The following SIK3 variants were observed in gnomAD, a reference collection of about 807,000 sequenced individuals.
The protein encoded by SIK3 is serine/threonine-protein kinase SIK3.
SIK3 carries 28 observed loss-of-function variants against 144.2 expected under a neutral mutation model. The ratio of observed to expected loss-of-function variants is 0.19; its 90% CI spans 0.14 to 0.27. The LOEUF is 0.27. Ranked by LOEUF, SIK3 falls within the 10% of genes least tolerant of loss-of-function variation. The pLI is 1.00. For missense variants in SIK3, 1,319 were observed against 1,776.0 expected, an observed-to-expected ratio of 0.74 and a Z score of 4.62; for synonymous variants, 686 against 676.3, an observed-to-expected ratio of 1.01 and a Z score of -0.22.
chr11:116,865,640 T>C (rs1012249045), intron 15 of SIK3, among the ~76,000 whole-genome samples: 13 of 152,174 alleles, frequency 8.5e-5, no homozygotes, highest in Admixed American at 1.3e-4. Context: ...AACCTTAAAT[T>C]ACACATTTCC....
intron 1 of SIK3, among the ~76,000 whole-genome samples, chr11:116,996,110 C>T (rs1950656053): frequency 6.6e-6 from 1 of 152,106 alleles, no homozygotes; most frequent in African/African-American, 2.4e-5. Context: ...GAGTTCGAGA[C>T]CTGCCTGGCC....
intron 1 of SIK3, chr11:117,036,022 G>C: frequency 6.9e-7 from 1 of 1,447,642 alleles, no homozygotes; most frequent in Non-Finnish European, 9.5e-7. Flanking sequence ...TTTCTGGAGA[G>C]GGATGAAGGA....
At position 116,944,232 on chromosome 11, in the gene SIK3, G is replaced by A. The variant is rs117938116; in HGVS notation, c.454+9812C>T. On this transcript the variant is annotated intron_variant, in intron 3 of 24. Transcript: ENST00000445177. ...AGGCCTGGCCTTCCCTTGGCTTCTG[G>A]GAAGCAGTCTCTGGGTTCTTGGAAT... Among the ~76,000 whole-genome samples the A allele has an allele frequency of 1.9e-4, 29 of 152,248 alleles. No homozygotes were observed. The East Asian group carries it at 3.1e-3, about 16-fold the overall frequency.
At chr11:116,970,214 C>T (rs930865746) in intron 1 of SIK3, among the ~76,000 whole-genome samples, 1 of 152,128 alleles carries the variant, frequency 6.6e-6, no homozygotes, top group Non-Finnish European at 1.5e-5. Context: ...GAGGTCAAGG[C>T]TGCAGTGAGT....
At chr11:116,957,735 CAG>C (rs1276610471) in intron 1 of SIK3, among the ~76,000 whole-genome samples, 1 of 152,132 alleles carries the variant, frequency 6.6e-6, no homozygotes, top group African/African-American at 2.4e-5. Context: ...CTGAGGCACA[CAG>C]AGATTAAGTA....
In SIK3 at chr11:116,849,096, G is replaced by A. The variant is rs746603513; in HGVS notation, c.3819+24C>T. 1.9e-6 allele frequency: 3 copies of A among 1,561,936 alleles called. No homozygotes were observed. Among genetic ancestry groups the A allele is most frequent in the Admixed American group, 1.8e-5 (1 of 56,940 alleles). ...GCTGGGACTGGGAGGATCCACCTCT[G>A]TGCAGCAGGTGGGACCAACATACAT... On this transcript the variant is annotated intron_variant, in intron 22 of 24. Coordinates refer to ENST00000445177, the MANE Select transcript of SIK3 (RefSeq NM_001366686.3). This position sits in a 1 kb window ranked among gnomAD's most constrained non-coding sequence, Gnocchi z 4.2.
At chr11:117,092,336 C>T (rs1955284494) in intron 1 of SIK3, among the ~76,000 whole-genome samples, 1 of 152,114 alleles carries the variant, frequency 6.6e-6, no homozygotes, top group South Asian at 2.1e-4. Context: ...GCCATTCCTT[C>T]TGTAAGGAAT....
At chr11:116,927,457 A>G in intron 3 of SIK3, 77 bp from the exon 4 acceptor site, 1 of 1,416,652 alleles carries the variant, frequency 7.1e-7, no homozygotes, top group Non-Finnish European at 9.8e-7. Flanking sequence ...AAGGAGGGCT[A>G]CAAGGGGCCC....
chr11:116,965,003 C>A (rs1035849352), intron 1 of SIK3, among the ~76,000 whole-genome samples: 5 of 152,060 alleles, frequency 3.3e-5, no homozygotes, highest in Non-Finnish European at 5.9e-5. Context: ...TAAAATAGTT[C>A]ATGCATTTCC....
intron 4 of SIK3, among the ~76,000 whole-genome samples, chr11:116,902,653 C>T (rs1027642940): frequency 8.5e-5 from 13 of 152,210 alleles, no homozygotes; most frequent in African/African-American, 3.1e-4. Flanking sequence ...ATACTACTGG[C>T]TTGCTCTCAT....
intron 1 of SIK3, among the ~76,000 whole-genome samples, chr11:117,023,621 A>AAAAAATATATATATATAT (rs754624841): frequency 6.3e-5 from 6 of 95,420 alleles, no homozygotes; most frequent in African/African-American, 1.7e-4. Flanking sequence ...AAAAAAAAAA[A>AAAAAATATATATATATAT]ATATATATAT....
chr11:116,847,312 C>T (rs540612341), intron 23 of SIK3, among the ~76,000 whole-genome samples, 164 bp downstream of exon 23: 1 of 152,222 alleles, frequency 6.6e-6, no homozygotes, highest in Non-Finnish European at 1.5e-5. Context: ...CACACCCACA[C>T]TCAGGGAAGA....
chr11:117,029,496 T>C (rs1952165554), intron 1 of SIK3, among the ~76,000 whole-genome samples: 1 of 152,070 alleles, frequency 6.6e-6, no homozygotes, highest in Admixed American at 6.6e-5. Flanking sequence ...ATGGTTTTAA[T>C]GTGAAGGATG....
intron 1 of SIK3, among the ~76,000 whole-genome samples, chr11:117,081,894 T>C (rs76312285): frequency 6.6e-6 from 1 of 152,254 alleles, no homozygotes; most frequent in East Asian, 1.9e-4. Context: ...ATGTATCCGA[T>C]AAGGGACTTG....
intron 3 of SIK3, among the ~76,000 whole-genome samples, chr11:116,945,678 C>A (rs10892050): frequency 0.073 from 11,080 of 152,162 alleles, 494 homozygotes; most frequent in Middle Eastern, 0.11. Context: ...TGCACATGTC[C>A]TGTAAACTCT....
chr11:116,898,444 T>C (rs998480596), intron 4 of SIK3, among the ~76,000 whole-genome samples: 5 of 151,836 alleles, frequency 3.3e-5, no homozygotes, highest in African/African-American at 1.2e-4. Context: ...TACGTGTGCA[T>C]GTGTCTTTAT....
At chr11:117,033,666 G>A (rs1952363660) in intron 1 of SIK3, among the ~76,000 whole-genome samples, 1 of 145,012 alleles carries the variant, frequency 6.9e-6, no homozygotes, top group Non-Finnish European at 1.5e-5. Context: ...CAGAGATTGC[G>A]CCACTGCACT....
intron 1 of SIK3, among the ~76,000 whole-genome samples, chr11:117,052,871 T>C (rs1463909799): frequency 6.6e-6 from 1 of 152,232 alleles, no homozygotes; most frequent in African/African-American, 2.4e-5. Context: ...ACTTTCCAGA[T>C]GCATGCTGCT....
At chr11:117,035,696 A>G (rs1591582914) in intron 1 of SIK3, 1 of 792,068 alleles carries the variant, frequency 1.3e-6, no homozygotes, top group East Asian at 2.6e-5. Context: ...CTGGGACTAC[A>G]GGTGCATGCC....
Sources: allele counts gnomAD v4.1 joint callset (sites outside exome capture counted in the v4.1 genomes callset), GRCh38; gene constraint gnomAD v4.1.1; non-coding constraint Gnocchi (gnomAD v3.1); transcripts MANE v1.5; gene names NCBI Gene and HGNC (gene_info 2026-07-23, HGNC 2026-07-21).